The following ANK2 variants were observed in gnomAD, a reference collection of about 807,000 sequenced individuals.
The protein encoded by ANK2 is ankyrin-2.
In ANK2, 83 loss-of-function variants were observed where a neutral mutation model predicts 360.5. The observed-to-expected ratio is 0.23, with a 90% CI of 0.19 to 0.28. ANK2 has a LOEUF of 0.28. Among genes scored for constraint, ANK2 ranks in the 10% least tolerant of loss-of-function variants. The pLI, the probability that ANK2 is intolerant of heterozygous loss-of-function variation, is 1.00. For missense variants in ANK2, 4,201 were observed against 4,795.7 expected (o/e 0.88, Z 3.66); for synonymous variants, 1,740 against 1,759.5 (o/e 0.99, Z 0.28).
intron 1 of ANK2, among the ~76,000 whole-genome samples, chr4:113,081,129 G>A (rs313974): frequency 0.62 from 93,893 of 152,006 alleles, 29,727 homozygotes; most frequent in African/African-American, 0.76. Context: ...TTGGTTTCTT[G>A]AAAAAATGTA....
chr4:112,836,165 A>G (rs2060944694), intron 1 of ANK2, among the ~76,000 whole-genome samples: 1 of 152,144 alleles, frequency 6.6e-6, no homozygotes, highest in Non-Finnish European at 1.5e-5. Flanking sequence ...AGTTTCCTCC[A>G]TGCTGTTCTC....
intron 9 of ANK2, among the ~76,000 whole-genome samples, chr4:113,247,766 A>T (rs2043829223): frequency 6.6e-6 from 1 of 152,192 alleles, no homozygotes; most frequent in Non-Finnish European, 1.5e-5. Flanking sequence ...TCCGAAGTCC[A>T]CACACTGAAC....
chr4:113,281,998 G>A (rs1047057388), intron 17 of ANK2, among the ~76,000 whole-genome samples: 4 of 152,126 alleles, frequency 2.6e-5, no homozygotes, highest in Non-Finnish European at 4.4e-5. Flanking sequence ...GTTCACCATT[G>A]TATTCCCACA....
At chr4:113,049,636 T>C, upstream of ANK2, 4 of 1,197,106 alleles carry the variant, frequency 3.3e-6, no homozygotes, top group Non-Finnish European at 4.5e-6. Flanking sequence ...CTCCTCCTCC[T>C]CCTGCTTTCC....
Position 113,358,634 on chromosome 4 carries a change from C to T in ANK2, c.10016C>T (p.Ala3339Val), listed in dbSNP as rs150437645. The change falls in exon 38 of 46, where the codon GCG (alanine) becomes GTG (valine). Residue 3339 changes from alanine to valine, a missense_variant. Around this residue, in one of 4 missense-constraint regions of ANK2, gnomAD observed 2,642 missense variants for 2,714.5 expected, o/e 0.97. Transcript: ENST00000357077. ...TCCAGTGTAGATGAGGAAAATAAGG[C>T]GGATGAAGCAAAACCAAAGTCCAAA... ...FLSSVDEENK[A>V]DEAKPKSKLP... 2.9e-5 allele frequency: 46 copies of T among 1,612,404 alleles called. No individual in the cohort carries two copies. Among genetic ancestry groups the T allele is most frequent in the Middle Eastern group, 1.6e-4 (1 of 6,080 alleles).
intron 1 of ANK2, among the ~76,000 whole-genome samples, chr4:112,839,115 G>A (rs746072832): frequency 5.3e-5 from 8 of 152,116 alleles, no homozygotes; most frequent in Admixed American, 2.0e-4. Flanking sequence ...TGCACCCCTC[G>A]TTTGGTAACA....
intron 5 of ANK2, 28 bp downstream of exon 5, chr4:113,232,287 A>G (rs1039673323): frequency 2.7e-6 from 4 of 1,485,742 alleles, no homozygotes; most frequent in Non-Finnish European, 3.8e-6. Flanking sequence ...AAAGCCTTGA[A>G]TTCTTTGATC....
At chr4:112,873,839 G>A (rs1181486085) in intron 1 of ANK2, among the ~76,000 whole-genome samples, 1 of 151,916 alleles carries the variant, frequency 6.6e-6, no homozygotes, top group East Asian at 1.9e-4. Context: ...ACCATGCCCG[G>A]CCCCTGTTAT....
Position 113,230,068 on chromosome 4 carries a change from T to G in ANK2, c.385-2093T>G, listed in dbSNP as rs1429493255. Among the ~76,000 whole-genome samples the G allele has an allele frequency of 2.6e-5, 4 of 152,320 alleles. No homozygotes were observed. The East Asian group carries it at 7.7e-4, about 29-fold the overall frequency. ...CCTTCCGCCACCTCTTCAGTGTTCTTAAAATACACAAGATTTCGCCTGCTT... is the reference window on the plus strand; with the variant it reads ...CCTTCCGCCACCTCTTCAGTGTTCTGAAAATACACAAGATTTCGCCTGCTT... On this transcript the variant is annotated intron_variant, in intron 4 of 45. Transcript: ENST00000357077.
intron 1 of ANK2, among the ~76,000 whole-genome samples, chr4:113,088,813 T>A (rs1324955332): frequency 6.6e-6 from 1 of 152,210 alleles, no homozygotes; most frequent in East Asian, 1.9e-4. Flanking sequence ...AGAAGTTGAA[T>A]GACAGGTCTG....
chr4:113,040,174 T>C (rs1327683221), intron 2 of ANK2, among the ~76,000 whole-genome samples: 4 of 151,980 alleles, frequency 2.6e-5, no homozygotes, highest in Non-Finnish European at 5.9e-5. Context: ...TGATAATGCG[T>C]CCTAAAAAAC....
chr4:112,779,506 G>A, the ANK2 span, among the ~76,000 whole-genome samples: 1,454 of 152,020 alleles, frequency 9.6e-3, 30 homozygotes, highest in African/African-American at 0.032. Context: ...GCGACAGAGC[G>A]GGACTCGGTC....
intron 2 of ANK2, among the ~76,000 whole-genome samples, chr4:112,996,212 A>T (rs1193121396): frequency 6.6e-6 from 1 of 152,196 alleles, no homozygotes; most frequent in African/African-American, 2.4e-5. Context: ...ATTTTAGAAA[A>T]TGCAAACTAA....
chr4:112,890,582 TTTG>T, intron 1 of ANK2, among the ~76,000 whole-genome samples: 1 of 145,678 alleles, frequency 6.9e-6, no homozygotes, highest in Non-Finnish European at 1.5e-5. Context: ...TTTTTTTTTT[TTTG>T]AGACGGAGTT....
At chr4:113,297,256 G>T (rs563075944) in intron 22 of ANK2, among the ~76,000 whole-genome samples, 29 of 152,236 alleles carry the variant, frequency 1.9e-4, no homozygotes, top group African/African-American at 7.0e-4. Context: ...AGGCATTTTG[G>T]CCTCCCAAAA....
At position 113,354,949 on chromosome 4, in the gene ANK2, C is replaced by T; in HGVS notation, c.6331C>T (p.Pro2111Ser). ...AGAAAGCCACAGAGAGAGCGAAGTG[C>T]CCAAAGAAAAGATGGCTGATGAGCA... is the stretch of plus-strand genomic sequence containing the variant. ...EEESHRESEV[P>S]KEKMADEQGD... Residue 2111 changes from proline (P) to serine (S), a missense_variant, in exon 38 of 46, where the codon CCC becomes TCC. Pro to Ser is a moderately conservative substitution (Grantham distance 74). Transcript: ENST00000357077. 6.2e-7 allele frequency: 1 copy of T among 1,613,956 alleles called. No individual in the cohort carries two copies. The highest frequency in any genetic ancestry group is 8.5e-7 in the Non-Finnish European group (1 of 1,179,960).
chr4:113,318,103 G>T (rs906326060), intron 25 of ANK2, among the ~76,000 whole-genome samples: 4 of 152,110 alleles, frequency 2.6e-5, no homozygotes, highest in African/African-American at 9.7e-5. Context: ...CTCCATTAAA[G>T]GAAAAAGTGA....
At chr4:113,157,006 T>G (rs2097328732) in intron 1 of ANK2, among the ~76,000 whole-genome samples, 1 of 151,898 alleles carries the variant, frequency 6.6e-6, no homozygotes, top group South Asian at 2.1e-4. Flanking sequence ...GCATAGACAT[T>G]TTGTAGTTTT....
chr4:112,801,047 G>A, the ANK2 span, among the ~76,000 whole-genome samples: 1 of 151,892 alleles, frequency 6.6e-6, no homozygotes, highest in African/African-American at 2.4e-5. Flanking sequence ...ACAGAATTAT[G>A]TAGGACACCA....
Sources: gnomAD v4.1 joint callset for allele counts (sites outside exome capture counted in the v4.1 genomes callset) on GRCh38, gnomAD v4.1.1 for gene constraint, gnomAD v4.1.1 regional missense constraint, MANE v1.5 for transcripts, NCBI Gene and HGNC (gene_info 2026-07-23, HGNC 2026-07-21) for gene names.